Variants in PLCG2 observed in about 807,000 individuals in gnomAD.
The protein encoded by PLCG2 is phospholipase C gamma 2.
Under a neutral mutation model 175.6 loss-of-function variants are expected in PLCG2, and 69 were observed. That is an observed-to-expected ratio of 0.39 (90% CI 0.32 to 0.48). The LOEUF is 0.48. PLCG2 is among the 20% of genes least tolerant of loss of function. The pLI is 0.91. For missense variants in PLCG2, 1,798 were observed against 1,650.9 expected (o/e 1.09, Z -1.54); for synonymous variants, 827 against 624.0 (o/e 1.33, Z -4.85).
At chr16:81,775,839 C>T (rs1043007938), upstream of PLCG2, among the ~76,000 whole-genome samples, 3 of 152,096 alleles carry the variant, frequency 2.0e-5, no homozygotes, top group African/African-American at 7.2e-5. Context: ...CACTTCCTGA[C>T]CCATTTGTGC....
intron 2 of PLCG2, among the ~76,000 whole-genome samples, chr16:81,793,749 C>A (rs1340752986): frequency 1.3e-5 from 2 of 152,188 alleles, no homozygotes; most frequent in Non-Finnish European, 2.9e-5. Context: ...TGTGAAGGCA[C>A]ATCAAAGATA....
intron 2 of PLCG2, among the ~76,000 whole-genome samples, chr16:81,766,450 C>A (rs977080619): frequency 7.9e-5 from 12 of 151,872 alleles, no homozygotes; most frequent in African/African-American, 2.7e-4. Context: ...TTTTCCAGGC[C>A]CTCACTTAGC....
intron 32 of PLCG2, among the ~76,000 whole-genome samples, chr16:81,957,680 G>A (rs558761498): frequency 4.6e-5 from 7 of 152,152 alleles, no homozygotes; most frequent in South Asian, 4.2e-4. Flanking sequence ...AGCCACCAAC[G>A]AGAAACTGTG....
rs960299180 is a variant in PLCG2 at position 81,961,616 on chromosome 16, G to A, written c.*3618G>A. On this transcript the variant is annotated 3_prime_UTR_variant, in exon 33 of 33. Transcript: ENST00000564138. ...ACAAATTCAAGGAGTAAAAGGAAAA[G>A]TGGGGCATTCCTTGCTACTAAAAAT... 4 of 216,532 alleles carry A rather than the reference G, an allele frequency of 1.8e-5. No homozygotes were observed. The highest frequency in any genetic ancestry group is 9.0e-5 in the African/African-American group (4 of 44,402). 13.4% of individuals were successfully genotyped at this position (216,532 alleles called of 1,614,324 possible).
rs530009837 is a variant in PLCG2 at position 81,841,772 on chromosome 16, C to G, written c.194-12672C>G. On this transcript the variant is annotated intron_variant, in intron 2 of 32. Transcript: ENST00000564138. The stretch of plus-strand genomic sequence containing the variant: ...GCCCCTTTTGTCATTACATGTTCTT[C>G]TGCTGTGTATCTCACCTATTCCCCC... 2.0e-5 allele frequency among the ~76,000 whole-genome samples: 3 copies of G among 152,322 alleles called. No homozygotes were observed. The South Asian group carries it at 6.2e-4, about 32-fold the overall frequency.
At chr16:81,928,411 C>T in intron 23 of PLCG2, 147 bp from the exon 24 acceptor site, 1 of 606,610 alleles carries the variant, frequency 1.6e-6, no homozygotes, top group Non-Finnish European at 3.1e-6. Context: ...TTATTTAGCT[C>T]TCTCCCCATG....
chr16:81,930,076 C>G (rs1211307429), intron 24 of PLCG2, among the ~76,000 whole-genome samples: 1 of 152,174 alleles, frequency 6.6e-6, no homozygotes, highest in African/African-American at 2.4e-5. Flanking sequence ...AGCAGGGTGC[C>G]TTTAGTCTCA....
chr16:81,790,738 C>T (rs923411457), intron 2 of PLCG2, among the ~76,000 whole-genome samples: 4 of 152,144 alleles, frequency 2.6e-5, no homozygotes, highest in African/African-American at 7.2e-5. Context: ...TCTAAAGCAG[C>T]GTGTGGTTCT....
At chr16:81,906,817 A>G (rs1018216306) in intron 15 of PLCG2, among the ~76,000 whole-genome samples, 1 of 152,188 alleles carries the variant, frequency 6.6e-6, no homozygotes, top group Non-Finnish European at 1.5e-5. Flanking sequence ...AGGAAGGCAG[A>G]TTACGAGGTC....
intron 2 of PLCG2, among the ~76,000 whole-genome samples, chr16:81,803,021 C>G (rs769895555): frequency 6.6e-6 from 1 of 152,210 alleles, no homozygotes; most frequent in African/African-American, 2.4e-5. Flanking sequence ...ACTTTACTTT[C>G]CCCCATCCCT....
chr16:81,790,792 G>A (rs1911197041), intron 2 of PLCG2, among the ~76,000 whole-genome samples: 1 of 152,074 alleles, frequency 6.6e-6, no homozygotes. Context: ...TCCAGGGTAG[G>A]GGGCATTTGG....
At chr16:81,876,038 G>GTTTTTTT (rs1567511018) in intron 7 of PLCG2, among the ~76,000 whole-genome samples, 1 of 86,212 alleles carries the variant, frequency 1.2e-5, no homozygotes. Flanking sequence ...TTTTTTTTTT[G>GTTTTTTT]TTTTTGAGAC....
chr16:81,902,861 G>A (rs776797978), intron 14 of PLCG2, among the ~76,000 whole-genome samples: 3 of 152,132 alleles, frequency 2.0e-5, no homozygotes, highest in Admixed American at 1.3e-4. Flanking sequence ...CATCTTACAT[G>A]GTGGCAGGCA....
rs556308658 is a variant in PLCG2, at chr16:81,746,699, G to T, written c.-145+7314G>T. Among the ~76,000 whole-genome samples, 177 of 152,308 alleles carry T rather than the reference G, an allele frequency of 1.2e-3. 1 individual carries two copies. Among genetic ancestry groups the T allele is most frequent in the African/African-American group, 4.1e-3 (169 of 41,564 alleles). On this transcript the variant is annotated intron_variant, in intron 1 of 5. Coordinates refer to the PLCG2 transcript ENST00000565054. ...TCCGTCGAACTTGAGTAAACAGGCA[G>T]TTTAACCTCCCAAGCATCTGTAAAG...
chr16:81,874,105 C>T (rs1160867910), intron 7 of PLCG2, among the ~76,000 whole-genome samples: 1 of 152,172 alleles, frequency 6.6e-6, no homozygotes, highest in South Asian at 2.1e-4. Flanking sequence ...CCTGGTTGTA[C>T]TTGATCTAAT....
intron 5 of PLCG2, among the ~76,000 whole-genome samples, chr16:81,865,625 C>T (rs1443467097): frequency 1.3e-5 from 2 of 152,216 alleles, no homozygotes; most frequent in Non-Finnish European, 2.9e-5. Context: ...GGTTCCTTTG[C>T]CCTGCTGCTG....
intron 2 of PLCG2, among the ~76,000 whole-genome samples, chr16:81,795,421 C>G (rs1911422974): frequency 6.6e-6 from 1 of 152,144 alleles, no homozygotes; most frequent in South Asian, 2.1e-4. Flanking sequence ...CAAAGCTTTC[C>G]TATTAGTGAA....
chr16:81,827,728 A>G (rs1905100615), intron 2 of PLCG2, among the ~76,000 whole-genome samples: 1 of 152,136 alleles, frequency 6.6e-6, no homozygotes. Context: ...GTCATGCTGC[A>G]GGCTCAGGGT....
At chr16:81,802,709 T>A (rs1272250187) in intron 2 of PLCG2, among the ~76,000 whole-genome samples, 1 of 151,892 alleles carries the variant, frequency 6.6e-6, no homozygotes, top group Admixed American at 6.6e-5. Flanking sequence ...GTAGCTGGGA[T>A]TACAGGCATG....
Sources: gnomAD v4.1 joint callset for allele counts (sites outside exome capture counted in the v4.1 genomes callset) on GRCh38, gnomAD v4.1.1 for gene constraint, MANE v1.5 for transcripts, NCBI Gene and HGNC (gene_info 2026-07-23, HGNC 2026-07-21) for gene names.